Variants in PLEKHF1 observed in about 807,000 individuals in gnomAD.
PLEKHF1 encodes pleckstrin homology and FYVE domain containing 1.
A neutral mutation model predicts 4.1 loss-of-function variants in PLEKHF1; 1 was observed. The ratio of observed to expected loss-of-function variants is 0.24; its 90% CI spans 0.09 to 1.15. PLEKHF1 has a LOEUF of 1.15. Among genes scored for constraint, PLEKHF1 ranks in the 50% most tolerant of loss-of-function variants. PLEKHF1 has a pLI of 0.52. For synonymous variants in PLEKHF1, 182 were observed against 178.5 expected, an observed-to-expected ratio of 1.02 and a Z score of -0.16; for missense variants, 429 against 400.6, an observed-to-expected ratio of 1.07 and a Z score of -0.60.
rs909221047 is a variant in PLEKHF1 at position 29,671,341 on chromosome 19, T to C, written c.-16-2483T>C. 6.6e-6 allele frequency among the ~76,000 whole-genome samples: 1 copy of C among 152,240 alleles called. No homozygotes were observed. The highest frequency in any genetic ancestry group is 6.5e-5 in the Admixed American group (1 of 15,284). ...TGTTATGTAATTCCTGCATAAGTGG[T>C]GTCACTTTACATACAACATTCTACA... On this transcript the variant is annotated intron_variant, in intron 1 of 1. Coordinates refer to ENST00000436066, the MANE Select transcript of PLEKHF1 (RefSeq NM_024310.5). This position sits in a 1 kb window ranked among gnomAD's most constrained non-coding sequence, Gnocchi z 4.0.
intron 1 of PLEKHF1, among the ~76,000 whole-genome samples, chr19:29,673,318 T>C (rs1000413053): frequency 2.0e-5 from 3 of 152,020 alleles, no homozygotes; most frequent in Non-Finnish European, 2.9e-5. Flanking sequence ...TGTTCCGCCC[T>C]GTTTTTCAAG....
intron 1 of PLEKHF1, among the ~76,000 whole-genome samples, chr19:29,670,820 G>A (rs1420316897): frequency 1.3e-5 from 2 of 152,018 alleles, no homozygotes; most frequent in Non-Finnish European, 2.9e-5. Context: ...TGGGACTACA[G>A]GCGCTCGCCA....
intron 1 of PLEKHF1, 35 bp downstream of exon 1, chr19:29,665,540 G>T: frequency 8.0e-7 from 1 of 1,252,662 alleles, no homozygotes; most frequent in African/African-American, 1.6e-5. Flanking sequence ...CCGGGCTGCG[G>T]GTCGCGGGGC....
chr19:29,669,948 T>C (rs1352650447), intron 1 of PLEKHF1, among the ~76,000 whole-genome samples: 1 of 152,186 alleles, frequency 6.6e-6, no homozygotes, highest in Non-Finnish European at 1.5e-5. Context: ...ACTTTTTTTT[T>C]CTGAGACGGA....
chr19:29,669,550 C>A (rs1178981811), intron 1 of PLEKHF1, among the ~76,000 whole-genome samples: 1 of 152,162 alleles, frequency 6.6e-6, no homozygotes, highest in Admixed American at 6.5e-5. Context: ...CCCAGCCAGG[C>A]GTCCCATCAT....
chr19:29,672,566 A>C (rs1971643101), intron 1 of PLEKHF1, among the ~76,000 whole-genome samples: 1 of 152,144 alleles, frequency 6.6e-6, no homozygotes, highest in Non-Finnish European at 1.5e-5. Flanking sequence ...ATGTGCTGAG[A>C]AATGGGCAGG....
intron 1 of PLEKHF1, among the ~76,000 whole-genome samples, chr19:29,672,416 G>T (rs1027078813): frequency 6.6e-6 from 1 of 152,206 alleles, no homozygotes; most frequent in Admixed American, 6.5e-5. Context: ...GGTGTGGGAA[G>T]AGGCTGCCTG....
At position 29,674,519 on chromosome 19, in the gene PLEKHF1, C is replaced by T. The variant is rs1343793118; in HGVS notation, c.680C>T (p.Ser227Phe). The T allele has an allele frequency of 3.2e-6, 5 of 1,571,144 alleles. No homozygotes were observed. In the African/African-American group the frequency reaches 4.1e-5, roughly 13 times the overall value. ...GAGGCGGAGGAGCAGGGCGCGGGGT[C>T]CCCAGGGCAGCCAGCCCACCTGGCC... ...QEEAEEQGAG[S>F]PGQPAHLARP... Residue 227 changes from serine to phenylalanine, a missense_variant, in exon 2 of 2, where the codon TCC becomes TTC. Coordinates refer to ENST00000436066, the MANE Select transcript of PLEKHF1 (RefSeq NM_024310.5).
At chr19:29,668,332 C>T (rs923066016) in intron 1 of PLEKHF1, among the ~76,000 whole-genome samples, 4 of 152,096 alleles carry the variant, frequency 2.6e-5, no homozygotes, top group Admixed American at 6.5e-5. Flanking sequence ...CGAGGCAGGC[C>T]GGCCCCAAAT....
rs576165162 is a variant in PLEKHF1 at position 29,671,148 on chromosome 19, G to C, written c.-16-2676G>C. The stretch of plus-strand genomic sequence containing the variant: ...GGAATCTCACTCTGTCACACAGGCT[G>C]GAGTGCAATGGCGCCATCTTGGCTC... On this transcript the variant is annotated intron_variant, in intron 1 of 1. Transcript: ENST00000436066. The surrounding 1 kb of genome is among the most constrained non-coding windows in gnomAD (Gnocchi z 4.0). Among the ~76,000 whole-genome samples, 217 of 148,866 alleles carry C rather than the reference G, an allele frequency of 1.5e-3. No homozygotes were observed. Among genetic ancestry groups the C allele is most frequent in the African/African-American group, 5.1e-3 (206 of 40,306 alleles).
chr19:29,667,993 A>G (rs1599507650), intron 1 of PLEKHF1, among the ~76,000 whole-genome samples: 2 of 152,262 alleles, frequency 1.3e-5, no homozygotes, highest in East Asian at 3.9e-4. Context: ...CCTGCTGTTG[A>G]TCACGTATCA....
intron 1 of PLEKHF1, among the ~76,000 whole-genome samples, chr19:29,666,083 G>T (rs1176634476): frequency 6.6e-6 from 1 of 152,134 alleles, no homozygotes; most frequent in Non-Finnish European, 1.5e-5. Flanking sequence ...TATTGAGCAG[G>T]CCCGCAGAGA....
At chr19:29,665,936 AC>A in intron 1 of PLEKHF1, 3 of 496,580 alleles carry the variant, frequency 6.0e-6, no homozygotes, top group Non-Finnish European at 7.9e-6. Flanking sequence ...CCTGGATGGG[AC>A]CACTGTCCCC....
chr19:29,672,276 A>G (rs1308197319), intron 1 of PLEKHF1, among the ~76,000 whole-genome samples: 2 of 152,104 alleles, frequency 1.3e-5, no homozygotes, highest in Non-Finnish European at 2.9e-5. Flanking sequence ...CAACTCTCCC[A>G]TTGCAGTGTG....
Position 29,674,366 on chromosome 19 carries a change from G to A in PLEKHF1, c.527G>A (p.Arg176His), listed in dbSNP as rs752274213. The change falls in exon 2 of 2, where the codon CGC (arginine) becomes CAC (histidine). Residue 176 changes from arginine to histidine, a missense_variant. Coordinates refer to ENST00000436066, the MANE Select transcript of PLEKHF1 (RefSeq NM_024310.5). ...FSALTRRHHCRKCGFVVCAEC... is the reference protein window; with the variant it reads ...FSALTRRHHCHKCGFVVCAEC... The stretch of plus-strand genomic sequence containing the variant: ...GCCCTCACGAGGCGCCACCACTGCC[G>A]CAAGTGCGGCTTCGTGGTCTGCGCT... 9 of 1,540,386 alleles carry A rather than the reference G, an allele frequency of 5.8e-6. No homozygotes were observed. The highest frequency in any genetic ancestry group is 1.4e-5 in the African/African-American group (1 of 73,092).
At chr19:29,665,621 G>A (rs1476265829) in intron 1 of PLEKHF1, 116 bp downstream of exon 1, 1 of 1,174,338 alleles carries the variant, frequency 8.5e-7, no homozygotes, top group South Asian at 1.5e-5. Context: ...CGGTCTTGGC[G>A]GCTCCTGGGC....
Position 29,673,808 on chromosome 19 carries a change from C to CT in PLEKHF1, c.-16-15dup. 1 of 1,569,884 alleles carries CT rather than the reference C, an allele frequency of 6.4e-7. No individual in the cohort carries two copies. Among genetic ancestry groups the CT allele is most frequent in the Non-Finnish European group, 8.7e-7 (1 of 1,155,714 alleles). On this transcript the variant is annotated splice_polypyrimidine_tract_variant and intron_variant, in intron 1 of 1. Transcript: ENST00000436066. ...GCCTGAGCCTGGACATACTCCTTGT[C>CT]TGTCTCCTCCTGCAGCCGCCAGCTG...
chr19:29,669,156 C>G (rs1036811717), intron 1 of PLEKHF1, among the ~76,000 whole-genome samples: 2 of 152,172 alleles, frequency 1.3e-5, no homozygotes, highest in African/African-American at 4.8e-5. Flanking sequence ...CCAAGGGCTG[C>G]AGAGACAGCG....
intron 1 of PLEKHF1, among the ~76,000 whole-genome samples, chr19:29,667,793 T>C (rs1033074978): frequency 3.3e-5 from 5 of 152,208 alleles, no homozygotes; most frequent in Non-Finnish European, 2.9e-5. Flanking sequence ...TGCCCTGCAG[T>C]GTGTGCATTA....
Sources: gnomAD v4.1 joint callset for allele counts (sites outside exome capture counted in the v4.1 genomes callset) on GRCh38, gnomAD v4.1.1 for gene constraint, Gnocchi (gnomAD v3.1) non-coding constraint, MANE v1.5 for transcripts, NCBI Gene and HGNC (gene_info 2026-07-23, HGNC 2026-07-21) for gene names.